Variants in ZNF195 observed in about 807,000 individuals in gnomAD.
ZNF195 encodes the protein zinc finger protein 195, also known as hypoxia-regulated factor-1.
In ZNF195, 11 loss-of-function variants were observed where a neutral mutation model predicts 19.5. That is an observed-to-expected ratio of 0.57 (90% confidence interval 0.36 to 0.94). ZNF195 has a LOEUF of 0.94. ZNF195 is among the 40% of genes least tolerant of loss of function. ZNF195 has a pLI of 0.01. For missense variants in ZNF195, 582 were observed against 709.0 expected (o/e 0.82, Z 2.03); for synonymous variants, 214 against 248.1 (o/e 0.86, Z 1.29).
chr11:3,375,297 T>C (rs564312981), intron 1 of ZNF195, among the ~76,000 whole-genome samples: 2 of 152,194 alleles, frequency 1.3e-5, no homozygotes, highest in African/African-American at 2.4e-5. Flanking sequence ...AGGGTTTGTA[T>C]AATTTTAATC....
At chr11:3,371,742 G>A (rs2269732) in intron 1 of ZNF195, 39 bp from the exon 2 acceptor site, 1,184,955 of 1,557,310 alleles carry the variant, frequency 0.76, 453,644 homozygotes, top group Middle Eastern at 0.82. Context: ...TACTTGATTC[G>A]AGGTGAAATG....
intron 3 of ZNF195, among the ~76,000 whole-genome samples, chr11:3,363,611 C>T (rs1284466316): frequency 2.0e-5 from 3 of 152,192 alleles, no homozygotes; most frequent in Admixed American, 6.5e-5. Flanking sequence ...AATCTACAAA[C>T]TCCAGGCAAT....
chr11:3,368,527 T>C (rs1849019560), intron 3 of ZNF195, among the ~76,000 whole-genome samples: 1 of 152,240 alleles, frequency 6.6e-6, no homozygotes. Context: ...TTCAATAAAC[T>C]TCTTATCAAA....
intron 3 of ZNF195, among the ~76,000 whole-genome samples, chr11:3,365,115 CTATATT>C (rs1848809900): frequency 1.3e-5 from 2 of 152,130 alleles, no homozygotes; most frequent in Non-Finnish European, 2.9e-5. Flanking sequence ...GTTTATCTGT[CTATATT>C]TATATCTAAC....
intron 1 of ZNF195, among the ~76,000 whole-genome samples, chr11:3,378,171 G>A (rs1415080741): frequency 5.9e-5 from 9 of 152,196 alleles, no homozygotes; most frequent in East Asian, 1.9e-4. Flanking sequence ...TTAGCCGGGC[G>A]TGGTGGTGCA....
chr11:3,359,158 T>C lies in ZNF195; in HGVS notation c.1850A>G (p.Gln617Arg). 5 of 1,602,234 alleles carry C rather than the reference T, an allele frequency of 3.1e-6. No homozygotes were observed. Among genetic ancestry groups the C allele is most frequent in the Non-Finnish European group, 3.4e-6 (4 of 1,175,138 alleles). ...TTCATGTACAGTCAGGTGTGAGAAC[T>C]GGGTGAAGGCTTTGCCACACTTTTC... ...KCEKCGKAFTQFSHLTVHESI... is the reference protein window; with the variant it reads ...KCEKCGKAFTRFSHLTVHESI... Residue 617 changes from glutamine (Q) to arginine (R), a missense_variant, in exon 6 of 6, where the codon CAG (glutamine) becomes CGG (arginine). By Grantham distance (43) the Gln-to-Arg change is conservative. Coordinates refer to ENST00000399602, the MANE Select transcript of ZNF195 (RefSeq NM_001130520.3). This position sits in a 1 kb window ranked among gnomAD's most constrained non-coding sequence, Gnocchi z 5.5.
Position 3,359,146 on chromosome 11 carries a change from A to C in ZNF195, c.1862T>G (p.Leu621Arg). The C allele has an allele frequency of 6.3e-7, 1 of 1,589,838 alleles. No individual in the cohort carries two copies. The change falls in exon 6 of 6, where the codon CTG becomes CGG. Residue 621 changes from leucine (L) to arginine (R), a missense_variant. Physicochemically the swap from Leu to Arg is moderately radical, Grantham distance 102 (BLOSUM62 -2). This residue lies in a region of ZNF195 where 407 missense variants were observed against 530.5 expected (regional missense o/e 0.77). Coordinates refer to ENST00000399602, the MANE Select transcript of ZNF195 (RefSeq NM_001130520.3). This position sits in a 1 kb window ranked among gnomAD's most constrained non-coding sequence, Gnocchi z 5.5. ...AGTATGAATGCTTTCATGTACAGTCAGGTGTGAGAACTGGGTGAAGGCTTT... is the reference window on the plus strand; with the variant it reads ...AGTATGAATGCTTTCATGTACAGTCCGGTGTGAGAACTGGGTGAAGGCTTT... ...CGKAFTQFSHLTVHESIHT is the reference protein window; with the variant it reads ...CGKAFTQFSHRTVHESIHT
chr11:3,371,307 G>A (rs1329789407), intron 2 of ZNF195, among the ~76,000 whole-genome samples: 1 of 151,926 alleles, frequency 6.6e-6, no homozygotes, highest in Non-Finnish European at 1.5e-5. Flanking sequence ...TTTAAGTTGT[G>A]GGCAACAATA....
At chr11:3,367,513 AGACTC>A (rs1848958692) in intron 3 of ZNF195, among the ~76,000 whole-genome samples, 2 of 152,084 alleles carry the variant, frequency 1.3e-5, no homozygotes, top group African/African-American at 4.8e-5. Flanking sequence ...CATTATGAAA[AGACTC>A]TACTGAGAAC....
chr11:3,363,866 C>T (rs1848742410), intron 3 of ZNF195, among the ~76,000 whole-genome samples: 1 of 152,048 alleles, frequency 6.6e-6, no homozygotes, highest in African/African-American at 2.4e-5. Context: ...AAATAAAACA[C>T]AGAAAAAACT....
At chr11:3,378,356 T>C (rs986063425) in intron 1 of ZNF195, among the ~76,000 whole-genome samples, 2 of 120,928 alleles carry the variant, frequency 1.7e-5, no homozygotes, top group Admixed American at 1.9e-4. Context: ...GAGGTGGCTC[T>C]AGTGCCCTGG....
In ZNF195 at chr11:3,359,758, C is replaced by T. The variant is rs867019610; in HGVS notation, c.1250G>A (p.Ser417Asn). Residue 417 changes from serine (S) to asparagine (N), a missense_variant, in exon 6 of 6, where the codon AGC becomes AAC. Coordinates refer to ENST00000399602, the MANE Select transcript of ZNF195 (RefSeq NM_001130520.3). This position sits in a 1 kb window ranked among gnomAD's most constrained non-coding sequence, Gnocchi z 5.5. ...AAGGTCTGAGAACCACTTGAAGATG[C>T]TGTCACATTCCTCACATTTGAAAGG... Reference protein sequence around the residue: ...GKPFKCEECDSIFKWFSDLTK... With the variant: ...GKPFKCEECDNIFKWFSDLTK... 6.2e-7 allele frequency: 1 copy of T among 1,614,214 alleles called. No homozygotes were observed. The highest frequency in any genetic ancestry group is 8.5e-7 in the Non-Finnish European group (1 of 1,180,034).
chr11:3,377,042 A>G (rs1047398350), intron 1 of ZNF195, among the ~76,000 whole-genome samples: 9 of 152,220 alleles, frequency 5.9e-5, no homozygotes, highest in African/African-American at 2.2e-4. Context: ...AGACCTAAGT[A>G]ACTTTCTACC....
At chr11:3,379,002 T>C in intron 1 of ZNF195, 36 bp downstream of exon 1, 2 of 1,398,404 alleles carry the variant, frequency 1.4e-6, no homozygotes, top group South Asian at 1.6e-5. Context: ...AGTCCGCCCC[T>C]CCCTGTCTCT....
At position 3,362,274 on chromosome 11, in the gene ZNF195, A is replaced by C. The variant is rs545372832; in HGVS notation, c.227-385T>G. On this transcript the variant is annotated intron_variant, in intron 3 of 5. Transcript: ENST00000399602. ...CACTGAAAATAATGCGATGCTATAA[A>C]ATAATATATAATCATATCAAAATAA... 2.0e-5 allele frequency among the ~76,000 whole-genome samples: 3 copies of C among 152,348 alleles called. No homozygotes were observed. In the East Asian group the frequency reaches 5.8e-4, roughly 29 times the overall value.
intron 3 of ZNF195, among the ~76,000 whole-genome samples, chr11:3,363,776 G>A (rs867071892): frequency 2.6e-5 from 4 of 152,146 alleles, no homozygotes. Context: ...ACATTACAAG[G>A]CGACCGTAAT....
rs566309937 is a variant in ZNF195 at position 3,365,019 on chromosome 11, T to C, written c.227-3130A>G. Among the ~76,000 whole-genome samples the C allele has an allele frequency of 1.4e-4, 21 of 152,260 alleles. 1 individual carries two copies. The East Asian group carries it at 4.0e-3, about 29-fold the overall frequency. On this transcript the variant is annotated intron_variant, in intron 3 of 5. Transcript: ENST00000399602. ...GTGGTTATCCTTATATTAGACACAA[T>C]ACACTGTAAGTCAGAACTGTCACAG... is the stretch of plus-strand genomic sequence containing the variant.
intron 3 of ZNF195, among the ~76,000 whole-genome samples, chr11:3,363,151 G>C (rs1848712530): frequency 6.6e-6 from 1 of 152,116 alleles, no homozygotes; most frequent in East Asian, 1.9e-4. Context: ...CTTCAATTTT[G>C]CAAGTTCTTT....
At chr11:3,367,465 T>C (rs1253811868) in intron 3 of ZNF195, among the ~76,000 whole-genome samples, 1 of 152,094 alleles carries the variant, frequency 6.6e-6, no homozygotes, top group Non-Finnish European at 1.5e-5. Context: ...TGGCATGCAG[T>C]GGACAGCAGT....
Sources: allele counts gnomAD v4.1 joint callset (sites outside exome capture counted in the v4.1 genomes callset), GRCh38; gene constraint gnomAD v4.1.1; regional missense constraint gnomAD v4.1.1; non-coding constraint Gnocchi (gnomAD v3.1); transcripts MANE v1.5; gene names NCBI Gene and HGNC (gene_info 2026-07-23, HGNC 2026-07-21).